GRM8: variants seen among roughly 807,000 people sequenced by gnomAD.
The protein encoded by GRM8 is metabotropic glutamate receptor 8.
In GRM8, 47 loss-of-function variants were observed where a neutral mutation model predicts 87.2. The observed-to-expected ratio is 0.54, with a 90% confidence interval of 0.43 to 0.69. The LOEUF (loss-of-function observed/expected upper bound fraction) is 0.69, where lower values mean the gene tolerates loss of function less well. GRM8 is among the 30% of genes least tolerant of loss of function. The probability of loss-of-function intolerance (pLI) is 0.00; values close to 1 mark genes in which losing one functional copy is unlikely to be tolerated. For missense variants in GRM8, 1,019 were observed against 1,139.2 expected (o/e 0.89, Z 1.52); for synonymous variants, 396 against 404.5 (o/e 0.98, Z 0.25).
At chr7:126,525,042 C>T (rs1813620559) in intron 9 of GRM8, among the ~76,000 whole-genome samples, 3 of 151,998 alleles carry the variant, frequency 2.0e-5, no homozygotes, top group Non-Finnish European at 4.4e-5. Context: ...GGGTTTTCTG[C>T]AGTTAATCCT....
At chr7:127,193,001 G>A (rs902694463) in intron 2 of GRM8, among the ~76,000 whole-genome samples, 5 of 152,070 alleles carry the variant, frequency 3.3e-5, no homozygotes, top group Admixed American at 6.6e-5. Context: ...AAGTCAGTGC[G>A]ATCTCCAGAG....
At chr7:126,636,129 A>G (rs1421617087) in intron 7 of GRM8, among the ~76,000 whole-genome samples, 1 of 152,122 alleles carries the variant, frequency 6.6e-6, no homozygotes, top group Non-Finnish European at 1.5e-5. Context: ...TGCTTTATGC[A>G]TTCTGATTTA....
At chr7:126,489,346 C>G (rs1007915985) in intron 9 of GRM8, among the ~76,000 whole-genome samples, 3 of 152,016 alleles carry the variant, frequency 2.0e-5, no homozygotes, top group Non-Finnish European at 2.9e-5. Flanking sequence ...ACATGCACAG[C>G]ATGACAATTA....
intron 6 of GRM8, among the ~76,000 whole-genome samples, chr7:126,822,920 T>C (rs1794437125): frequency 6.6e-6 from 1 of 152,336 alleles, no homozygotes; most frequent in South Asian, 2.1e-4. Context: ...TCATCCCATA[T>C]ACACAACTGT....
chr7:126,591,642 G>A (rs1488805503), intron 8 of GRM8, among the ~76,000 whole-genome samples: 1 of 151,716 alleles, frequency 6.6e-6, no homozygotes, highest in East Asian at 1.9e-4. Flanking sequence ...AGTTCCAAGA[G>A]GAAAGTTCAT....
intron 2 of GRM8, among the ~76,000 whole-genome samples, chr7:127,129,368 T>G (rs149252505): frequency 9.8e-4 from 150 of 152,316 alleles, no homozygotes; most frequent in Middle Eastern, 3.4e-3. Flanking sequence ...GCAAAAGTAC[T>G]CAGCATCTTT....
chr7:126,639,956 T>C (rs1425176176), intron 7 of GRM8, among the ~76,000 whole-genome samples: 3 of 152,180 alleles, frequency 2.0e-5, no homozygotes, highest in African/African-American at 7.2e-5. Context: ...CCATCTGTAT[T>C]TAAGGCTGAA....
chr7:126,789,440 C>T (rs1821028817), intron 6 of GRM8, among the ~76,000 whole-genome samples: 1 of 152,138 alleles, frequency 6.6e-6, no homozygotes, highest in Non-Finnish European at 1.5e-5. Context: ...ATCTTTGCTG[C>T]CCCGACAGAC....
chr7:126,872,119 T>C (rs1419491), intron 6 of GRM8, among the ~76,000 whole-genome samples: 1,764 of 152,282 alleles, frequency 0.012, 16 homozygotes, highest in Non-Finnish European at 0.019. Context: ...CTACTCCTGC[T>C]CTTGATCTTT....
At chr7:127,000,741 A>AATCTACTTTATTT (rs1813644390) in intron 3 of GRM8, among the ~76,000 whole-genome samples, 1 of 151,678 alleles carries the variant, frequency 6.6e-6, no homozygotes, top group Non-Finnish European at 1.5e-5. Context: ...CTTAATATGT[A>AATCTACTTTATTT]CAGAGTTTCT....
At chr7:126,935,249 C>T (rs966126426) in intron 3 of GRM8, among the ~76,000 whole-genome samples, 1 of 127,684 alleles carries the variant, frequency 7.8e-6, no homozygotes, top group Non-Finnish European at 1.8e-5. Context: ...TTTAGGGTAC[C>T]TAGGGCTTTA....
At chr7:126,596,638 A>T (rs1797227323) in intron 8 of GRM8, among the ~76,000 whole-genome samples, 2 of 152,226 alleles carry the variant, frequency 1.3e-5, no homozygotes, top group South Asian at 4.1e-4. Context: ...CCTTGCGATA[A>T]CAGAAATGTT....
chr7:126,456,399 T>C (rs933052595), intron 9 of GRM8, among the ~76,000 whole-genome samples: 4 of 151,252 alleles, frequency 2.6e-5, no homozygotes, highest in Admixed American at 6.6e-5. Context: ...GGGGTTATCA[T>C]TGCAATCAGG....
At chr7:126,743,935 T>TA (rs1452125736) in intron 7 of GRM8, among the ~76,000 whole-genome samples, 3 of 152,022 alleles carry the variant, frequency 2.0e-5, no homozygotes, top group East Asian at 3.9e-4. Context: ...GCAACAATGG[T>TA]AAAATCACTG....
chr7:126,711,000 C>T (rs1206673198), intron 7 of GRM8, among the ~76,000 whole-genome samples: 1 of 152,122 alleles, frequency 6.6e-6, no homozygotes, highest in African/African-American at 2.4e-5. Flanking sequence ...CAGTGAAACC[C>T]TGTCTCTACT....
chr7:126,545,188 G>A (rs574645789), intron 8 of GRM8, among the ~76,000 whole-genome samples: 4 of 152,304 alleles, frequency 2.6e-5, no homozygotes, highest in African/African-American at 9.6e-5. Flanking sequence ...TATTGTGGAT[G>A]CGGTGGTTTA....
chr7:127,157,921 A>C (rs766471333), intron 2 of GRM8, among the ~76,000 whole-genome samples: 1 of 152,146 alleles, frequency 6.6e-6, no homozygotes, highest in African/African-American at 2.4e-5. Context: ...AGAGAAGATG[A>C]AAGAGAAAGA....
intron 3 of GRM8, among the ~76,000 whole-genome samples, chr7:126,957,517 G>C (rs1394227446): frequency 6.6e-6 from 1 of 152,232 alleles, no homozygotes; most frequent in Non-Finnish European, 1.5e-5. Context: ...AGGCTCAGAA[G>C]TGCCTGCTCC....
chr7:126,625,447 C>T (rs554199117), intron 7 of GRM8, among the ~76,000 whole-genome samples: 7 of 151,478 alleles, frequency 4.6e-5, no homozygotes, highest in East Asian at 1.9e-4. Flanking sequence ...AAAAAAGACA[C>T]GACAAGAAAT....
Sources: allele counts gnomAD v4.1 joint callset (sites outside exome capture counted in the v4.1 genomes callset), GRCh38; gene constraint gnomAD v4.1.1; transcripts MANE v1.5; gene names NCBI Gene and HGNC (gene_info 2026-07-23, HGNC 2026-07-21).